The following MYOM1 variants were observed in gnomAD, a reference collection of about 807,000 sequenced individuals.
MYOM1 encodes myomesin 1.
Under a neutral mutation model 205.3 loss-of-function variants are expected in MYOM1, and 164 were observed. The observed-to-expected ratio is 0.80, with a 90% confidence interval of 0.70 to 0.91. MYOM1 has a LOEUF of 0.91. MYOM1 is among the 40% of genes least tolerant of loss of function. MYOM1 has a pLI of 0.00. For missense variants in MYOM1, 2,011 were observed against 2,127.3 expected, an observed-to-expected ratio of 0.95 and a Z score of 1.08; for synonymous variants, 772 against 789.4, an observed-to-expected ratio of 0.98 and a Z score of 0.37.
At chr18:3,146,709 G>A (rs1453356999) in intron 13 of MYOM1, among the ~76,000 whole-genome samples, 2 of 151,850 alleles carry the variant, frequency 1.3e-5, no homozygotes, top group Admixed American at 6.6e-5. Flanking sequence ...ATCAGGAAAA[G>A]GCAAAGATGA....
At position 3,086,022 on chromosome 18, in the gene MYOM1, A is replaced by G. The variant is rs1337312806; in HGVS notation, c.4251+16T>C. 4.0e-6 allele frequency: 6 copies of G among 1,505,378 alleles called. No homozygotes were observed. Among genetic ancestry groups the G allele is most frequent in the Non-Finnish European group, 5.5e-6 (6 of 1,087,304 alleles). The allele number at this position is 1,505,378 out of a possible 1,614,324, so 93.3% of individuals were successfully genotyped here. ...AGAGAGCTAATATATTACATTTTAC[A>G]TTTATAATCGCCTACCTCTGTTATA... On this transcript the variant is annotated intron_variant, in intron 30 of 37. Coordinates refer to ENST00000356443, the MANE Select transcript of MYOM1 (RefSeq NM_003803.4).
At chr18:3,215,463 G>C (rs1239101767) in intron 1 of MYOM1, among the ~76,000 whole-genome samples, 1 of 152,014 alleles carries the variant, frequency 6.6e-6, no homozygotes, top group Non-Finnish European at 1.5e-5. Flanking sequence ...AATTAGCCGG[G>C]TGTGGTGTGT....
chr18:3,141,809 A>T, intron 14 of MYOM1, 130 bp downstream of exon 14: 1 of 1,165,656 alleles, frequency 8.6e-7, no homozygotes, highest in African/African-American at 1.5e-5. Context: ...CACAGTTGAT[A>T]ACAATCTAGT....
At chr18:3,092,137 T>C (rs895817387) in intron 26 of MYOM1, among the ~76,000 whole-genome samples, 9 of 152,214 alleles carry the variant, frequency 5.9e-5, no homozygotes, top group Non-Finnish European at 1.2e-4. Context: ...ACATGGTATA[T>C]AGTAGTCAAT....
chr18:3,198,260 C>T (rs1213037828), intron 2 of MYOM1, among the ~76,000 whole-genome samples: 1 of 152,158 alleles, frequency 6.6e-6, no homozygotes, highest in Non-Finnish European at 1.5e-5. Context: ...GACAGCCTAT[C>T]AGCACGTTTC....
intron 22 of MYOM1, among the ~76,000 whole-genome samples, chr18:3,111,723 G>A (rs1567910854): frequency 6.6e-6 from 1 of 152,112 alleles, no homozygotes; most frequent in African/African-American, 2.4e-5. Flanking sequence ...TTAGAACACA[G>A]CCATGCTCAT....
At chr18:3,173,039 T>G (rs2080584031) in intron 8 of MYOM1, among the ~76,000 whole-genome samples, 1 of 152,300 alleles carries the variant, frequency 6.6e-6, no homozygotes, top group Admixed American at 6.5e-5. Flanking sequence ...TTTTCAAAAC[T>G]ACCACTAATT....
chr18:3,229,171 C>T, the MYOM1 span, among the ~76,000 whole-genome samples: 2 of 152,148 alleles, frequency 1.3e-5, no homozygotes, highest in Non-Finnish European at 2.9e-5. Context: ...TTTTTAGCCT[C>T]TCGGGCTCTT....
In MYOM1 at chr18:3,152,627, C is replaced by T. The variant is rs1191729260; in HGVS notation, c.1644-734G>A. Among the ~76,000 whole-genome samples the T allele has an allele frequency of 6.6e-6, 1 of 152,180 alleles. No individual in the cohort carries two copies. Among genetic ancestry groups the T allele is most frequent in the Non-Finnish European group, 1.5e-5 (1 of 68,042 alleles). ...CATATCATGCTGTTGGCCTGATCAACAAAGCTTTAGGGGTTCAACATGTGA... is the reference window on the plus strand; with the variant it reads ...CATATCATGCTGTTGGCCTGATCAATAAAGCTTTAGGGGTTCAACATGTGA... On this transcript the variant is annotated intron_variant, in intron 11 of 37. Transcript: ENST00000356443. The surrounding 1 kb of genome is among the most constrained non-coding windows in gnomAD (Gnocchi z 4.3).
chr18:3,094,402 A>C, intron 25 of MYOM1, 96 bp from the exon 26 acceptor site: 21 of 1,198,894 alleles, frequency 1.8e-5, no homozygotes, highest in Non-Finnish European at 2.1e-5. Context: ...AAACCACACA[A>C]TGGAAATGAC....
At chr18:3,244,621 C>T in the MYOM1 span, among the ~76,000 whole-genome samples, 1 of 151,556 alleles carries the variant, frequency 6.6e-6, no homozygotes, top group South Asian at 2.1e-4. Context: ...CCAGGTGTGG[C>T]GTCTCATGCC....
intron 18 of MYOM1, among the ~76,000 whole-genome samples, chr18:3,128,713 T>G (rs1330198213): frequency 6.6e-6 from 1 of 152,198 alleles, no homozygotes; most frequent in Non-Finnish European, 1.5e-5. Context: ...ACTTAAAGTA[T>G]TTAATTTTCC....
At chr18:3,215,337 T>C in intron 1 of MYOM1, 86 bp from the exon 2 acceptor site, 2 of 1,086,324 alleles carry the variant, frequency 1.8e-6, no homozygotes, top group Non-Finnish European at 2.6e-6. Flanking sequence ...TAAAAATCAA[T>C]ACTCTTGGCT....
chr18:3,118,764 C>T (rs116013635), intron 20 of MYOM1, among the ~76,000 whole-genome samples: 2,112 of 152,216 alleles, frequency 0.014, 44 homozygotes, highest in African/African-American at 0.048. Flanking sequence ...ATGCAGGTGG[C>T]AGAAAGGACT....
At chr18:3,136,937 TTTTTTTCTTTC>T (rs1233854603) in intron 14 of MYOM1, among the ~76,000 whole-genome samples, 1 of 152,016 alleles carries the variant, frequency 6.6e-6, no homozygotes, top group Non-Finnish European at 1.5e-5. Flanking sequence ...ACTACAGTAT[TTTTTTTCTTTC>T]TTTTTTCTTT....
chr18:3,244,524 C>T, the MYOM1 span, among the ~76,000 whole-genome samples: 4 of 152,182 alleles, frequency 2.6e-5, no homozygotes, highest in Non-Finnish European at 4.4e-5. Flanking sequence ...GAGGCACAGA[C>T]GGGCAGATCA....
At chr18:3,193,187 T>C (rs780417767) in intron 3 of MYOM1, among the ~76,000 whole-genome samples, 25 of 151,856 alleles carry the variant, frequency 1.6e-4, no homozygotes, top group Admixed American at 3.3e-4. Context: ...GGTAGGAGGA[T>C]TGCCTGAGTC....
the MYOM1 span, among the ~76,000 whole-genome samples, chr18:3,225,012 G>T: frequency 6.7e-6 from 1 of 150,292 alleles, no homozygotes; most frequent in Admixed American, 6.7e-5. Flanking sequence ...TTTTGAGACG[G>T]AGTCTCGCTC....
intron 10 of MYOM1, among the ~76,000 whole-genome samples, chr18:3,161,090 T>A (rs1192388340): frequency 6.6e-6 from 1 of 152,190 alleles, no homozygotes; most frequent in East Asian, 1.9e-4. Context: ...GCCAGGTTGA[T>A]CCTGGTGATT....
Sources: gnomAD v4.1 joint callset for allele counts (sites outside exome capture counted in the v4.1 genomes callset) on GRCh38, gnomAD v4.1.1 for gene constraint, Gnocchi (gnomAD v3.1) non-coding constraint, MANE v1.5 for transcripts, NCBI Gene and HGNC (gene_info 2026-07-23, HGNC 2026-07-21) for gene names.